The following MYH15 variants were observed in gnomAD, a reference collection of about 807,000 sequenced individuals.
MYH15 encodes the protein myosin heavy chain 15, also known as myosin-15.
In MYH15, 227 loss-of-function variants were observed where a neutral mutation model predicts 240.5. That is an observed-to-expected ratio of 0.94 (90% CI 0.85 to 1.05). The LOEUF (loss-of-function observed/expected upper bound fraction) is 1.05, where lower values mean the gene tolerates loss of function less well. Ranked by LOEUF, MYH15 falls within the 50% of genes least tolerant of loss-of-function variation. MYH15 has a pLI of 0.00. For synonymous variants in MYH15, 785 were observed against 796.7 expected, an observed-to-expected ratio of 0.99 and a Z score of 0.25; for missense variants, 2,217 against 2,247.5, an observed-to-expected ratio of 0.99 and a Z score of 0.27.
intron 38 of MYH15, among the ~76,000 whole-genome samples, chr3:108,386,170 T>C (rs1359769472): frequency 2.6e-5 from 4 of 152,148 alleles, no homozygotes; most frequent in South Asian, 2.1e-4. Context: ...TAATAATCAG[T>C]TTACTGAGAA....
At chr3:108,506,979 C>T (rs184769805) in intron 1 of MYH15, among the ~76,000 whole-genome samples, 4 of 151,908 alleles carry the variant, frequency 2.6e-5, no homozygotes, top group South Asian at 2.1e-4. Context: ...TGCAGTGAGC[C>T]GAGATCGTGC....
chr3:108,383,252 C>T (rs776418607), intron 40 of MYH15, among the ~76,000 whole-genome samples: 20 of 152,162 alleles, frequency 1.3e-4, no homozygotes, highest in African/African-American at 1.9e-4. Context: ...AATTTTGAGC[C>T]GATCCATCTG....
At chr3:108,406,200 C>CA (rs34170822) in intron 32 of MYH15, among the ~76,000 whole-genome samples, 34,190 of 151,892 alleles carry the variant, frequency 0.23, 4,247 homozygotes, top group Middle Eastern at 0.32. Flanking sequence ...AGAAGAAATC[C>CA]AAAAAACACT....
intron 27 of MYH15, among the ~76,000 whole-genome samples, chr3:108,425,492 C>A (rs1317715607): frequency 6.6e-6 from 1 of 151,954 alleles, no homozygotes; most frequent in South Asian, 2.1e-4. Context: ...GTAGACAGAC[C>A]TACATGGGAA....
chr3:108,548,574 A>G, the MYH15 span, among the ~76,000 whole-genome samples: 1 of 152,236 alleles, frequency 6.6e-6, no homozygotes, highest in South Asian at 2.1e-4. Context: ...AATATTTACT[A>G]TCTGCCCCTT....
intron 1 of MYH15, among the ~76,000 whole-genome samples, chr3:108,520,163 T>C (rs2083606642): frequency 6.6e-6 from 1 of 152,162 alleles, no homozygotes; most frequent in Admixed American, 6.6e-5. Context: ...GTTTTCAGTA[T>C]GATAAGTAAA....
At chr3:108,514,076 T>C (rs572102521), upstream of MYH15, among the ~76,000 whole-genome samples, 1 of 152,190 alleles carries the variant, frequency 6.6e-6, no homozygotes, top group Non-Finnish European at 1.5e-5. Flanking sequence ...GATGTAAGCT[T>C]TTCCTCTTAG....
chr3:108,485,625 AG>A (rs2083299757), intron 10 of MYH15, among the ~76,000 whole-genome samples: 1 of 152,202 alleles, frequency 6.6e-6, no homozygotes, highest in Non-Finnish European at 1.5e-5. Flanking sequence ...ACTTTATTCC[AG>A]AGGAGACACA....
At chr3:108,470,454 T>C (rs2083162922) in intron 13 of MYH15, among the ~76,000 whole-genome samples, 2 of 152,182 alleles carry the variant, frequency 1.3e-5, no homozygotes, top group Non-Finnish European at 2.9e-5. Context: ...AAAATCATAA[T>C]TAATTCCTTT....
At chr3:108,533,369 T>C (rs144857710), upstream of MYH15, among the ~76,000 whole-genome samples, 52 of 152,274 alleles carry the variant, frequency 3.4e-4, no homozygotes, top group African/African-American at 1.1e-3. Context: ...TCTAGGATCC[T>C]GGGCAGTTTA....
At chr3:108,411,867 C>CA (rs1027189135) in intron 30 of MYH15, among the ~76,000 whole-genome samples, 1 of 152,178 alleles carries the variant, frequency 6.6e-6, no homozygotes, top group Non-Finnish European at 1.5e-5. Context: ...TGGAATCCTG[C>CA]AAAAACCCCT....
In MYH15 at chr3:108,405,488, C is replaced by A. The variant is rs2082539817; in HGVS notation, c.4621-35G>T. ...ATAAATAAAAAGCATTAAATGAAGT[C>A]CACTTTTAGACAAAATTGTATTTTT... On this transcript the variant is annotated intron_variant, in intron 32 of 40. Transcript: ENST00000693548. The A allele has an allele frequency of 3.0e-6, 4 of 1,317,384 alleles. No individual in the cohort carries two copies. In the South Asian group the frequency reaches 6.9e-5, roughly 23 times the overall value. The allele number at this position is 1,317,384 out of a possible 1,614,324, so 81.6% of individuals were successfully genotyped here. A position where few individuals can be genotyped will look rare whatever the true frequency, so the allele number is the denominator to read the frequency against.
intron 1 of MYH15, among the ~76,000 whole-genome samples, chr3:108,527,597 A>G (rs1452935039): frequency 6.6e-6 from 1 of 152,140 alleles, no homozygotes; most frequent in Non-Finnish European, 1.5e-5. Context: ...CATAACTCCT[A>G]TTTTGTGTTG....
the MYH15 span, among the ~76,000 whole-genome samples, chr3:108,540,135 A>C: frequency 6.6e-6 from 1 of 152,212 alleles, no homozygotes; most frequent in Non-Finnish European, 1.5e-5. Flanking sequence ...GAAATGTATT[A>C]ATATATTTAG....
chr3:108,497,270 A>T (rs1446925862), intron 6 of MYH15, among the ~76,000 whole-genome samples: 1 of 150,636 alleles, frequency 6.6e-6, no homozygotes, highest in Non-Finnish European at 1.5e-5. Context: ...TTTAAAAATT[A>T]GGTCAGATGG....
At chr3:108,480,347 T>C (rs2083256969) in intron 11 of MYH15, among the ~76,000 whole-genome samples, 1 of 152,094 alleles carries the variant, frequency 6.6e-6, no homozygotes, top group South Asian at 2.1e-4. Context: ...AAAGAAGAGG[T>C]TGTAACCCAG....
intron 6 of MYH15, among the ~76,000 whole-genome samples, chr3:108,496,098 T>A (rs1383566240): frequency 6.6e-6 from 1 of 152,250 alleles, no homozygotes; most frequent in Non-Finnish European, 1.5e-5. Flanking sequence ...GGAGCTCGTT[T>A]ATTTGCAATG....
intron 19 of MYH15, among the ~76,000 whole-genome samples, chr3:108,456,525 T>G (rs2083020987): frequency 1.3e-5 from 2 of 152,162 alleles, no homozygotes; most frequent in Admixed American, 1.3e-4. Flanking sequence ...ATATTTCTTC[T>G]ATATGTGGGT....
At chr3:108,458,389 A>G (rs952438864) in intron 18 of MYH15, among the ~76,000 whole-genome samples, 8 of 152,218 alleles carry the variant, frequency 5.3e-5, no homozygotes, top group African/African-American at 1.9e-4. Context: ...AATGAACATG[A>G]AAGTATTTGT....
Sources: allele counts gnomAD v4.1 joint callset (sites outside exome capture counted in the v4.1 genomes callset), GRCh38; gene constraint gnomAD v4.1.1; transcripts MANE v1.5; gene names NCBI Gene and HGNC (gene_info 2026-07-23, HGNC 2026-07-21).